LEMD3: variants seen among roughly 807,000 people sequenced by gnomAD.
LEMD3 encodes inner nuclear membrane protein Man1.
A neutral mutation model predicts 95.2 loss-of-function variants in LEMD3; 33 were observed. That is an observed-to-expected ratio of 0.35 (90% CI 0.26 to 0.46). The LOEUF (loss-of-function observed/expected upper bound fraction) is 0.46. Among genes scored for constraint, LEMD3 ranks in the 20% least tolerant of loss-of-function variants. The pLI is 1.00. For synonymous variants in LEMD3, 525 were observed against 474.6 expected (o/e 1.11, Z -1.38); for missense variants, 1,210 against 1,192.8 (o/e 1.01, Z -0.21).
At chr12:65,214,718 ATC>A (rs1479943873) in intron 2 of LEMD3, among the ~76,000 whole-genome samples, 7 of 152,158 alleles carry the variant, frequency 4.6e-5, no homozygotes, top group Middle Eastern at 3.2e-3. Context: ...CATCCAGTAA[ATC>A]TGTTTTGTTG....
intron 1 of LEMD3, among the ~76,000 whole-genome samples, chr12:65,173,675 A>G (rs1347124160): frequency 6.6e-6 from 1 of 152,246 alleles, no homozygotes; most frequent in Non-Finnish European, 1.5e-5. Flanking sequence ...GGTAAACTAC[A>G]GTATATCTAG....
Position 65,170,697 on chromosome 12 carries a change from C to A in LEMD3, c.1101C>A (p.Leu367=). 1.2e-6 allele frequency: 2 copies of A among 1,614,230 alleles called. No individual in the cohort carries two copies. The highest frequency in any genetic ancestry group is 1.7e-6 in the Non-Finnish European group (2 of 1,180,042). Residue 367 remains leucine (L), a synonymous_variant, in exon 1 of 13, where the codon CTC becomes CTA. Transcript: ENST00000308330. ...TTAACGCTAAGAAACTGACCCCTCT[C>A]CTGCCCCCGCCACTTACTGACATGG... is the stretch of plus-strand genomic sequence containing the variant. ...YRVNAKKLTP[L]LPPPLTDMDS...
chr12:65,195,078 T>C (rs533095874), intron 1 of LEMD3, among the ~76,000 whole-genome samples: 1 of 152,136 alleles, frequency 6.6e-6, no homozygotes, highest in East Asian at 1.9e-4. Flanking sequence ...TTATAGTTTT[T>C]GCAAAGGTGG....
intron 4 of LEMD3, among the ~76,000 whole-genome samples, chr12:65,233,570 G>A (rs141896955): frequency 6.6e-6 from 1 of 152,094 alleles, no homozygotes; most frequent in Non-Finnish European, 1.5e-5. Context: ...ATTTTAAAAG[G>A]TGCCATCTGA....
chr12:65,188,841 G>C (rs906233325), intron 1 of LEMD3, among the ~76,000 whole-genome samples: 1 of 152,020 alleles, frequency 6.6e-6, no homozygotes, highest in African/African-American at 2.4e-5. Flanking sequence ...AGACCATTTG[G>C]CATATTGCTG....
intron 1 of LEMD3, among the ~76,000 whole-genome samples, chr12:65,205,855 A>G (rs1869743729): frequency 6.6e-6 from 1 of 152,190 alleles, no homozygotes; most frequent in African/African-American, 2.4e-5. Context: ...AATTTTGTCC[A>G]TAAAACTTTT....
chr12:65,170,124 C>T lies in LEMD3; in HGVS notation c.528C>T (p.Pro176=). The T allele has an allele frequency of 6.8e-7, 1 of 1,460,358 alleles. No homozygotes were observed. The highest frequency in any genetic ancestry group is 9.0e-7 in the Non-Finnish European group (1 of 1,112,160). The allele number at this position is 1,460,358 out of a possible 1,614,324, so 90.5% of individuals were successfully genotyped here. A position where few individuals can be genotyped will look rare whatever the true frequency, so the allele number is the denominator to read the frequency against. The change falls in exon 1 of 13, where the codon CCC becomes CCT. Residue 176 remains proline (P), a synonymous_variant. Transcript: ENST00000308330. The part of the protein sequence containing the change: ...QYRGLKAPPA[P]LAASEVTNSN... ...GCGGGCTCAAAGCGCCGCCGGCGCC[C>T]CTGGCCGCCAGCGAGGTGACTAACA...
chr12:65,247,976 T>A lies in LEMD3; in HGVS notation c.*1651T>A, dbSNP rs1421064068. The A allele has an allele frequency of 6.6e-6, 1 of 152,512 alleles. No homozygotes were observed. The highest frequency in any genetic ancestry group is 1.5e-5 in the Non-Finnish European group (1 of 68,000). 9.4% of individuals were successfully genotyped at this position (152,512 alleles called of 1,614,324 possible). On this transcript the variant is annotated 3_prime_UTR_variant, in exon 13 of 13. Coordinates refer to ENST00000308330, the MANE Select transcript of LEMD3 (RefSeq NM_014319.5). ...AAGTAACCAGTCTTCCTGTATTTTA[T>A]GTGCATCATAGTGATTTATCTGAGC...
chr12:65,209,654 A>T (rs1342169866), intron 1 of LEMD3, among the ~76,000 whole-genome samples: 1 of 152,094 alleles, frequency 6.6e-6, no homozygotes, highest in Non-Finnish European at 1.5e-5. Context: ...TATCTTTCAA[A>T]ACATTTTCTT....
At chr12:65,200,294 C>T (rs565619503) in intron 1 of LEMD3, among the ~76,000 whole-genome samples, 299 of 152,092 alleles carry the variant, frequency 2.0e-3, no homozygotes, top group Non-Finnish European at 3.8e-3. Flanking sequence ...GTATTTACAC[C>T]CCAGAAAATT....
intron 4 of LEMD3, among the ~76,000 whole-genome samples, chr12:65,223,222 A>G (rs2136344128): frequency 6.6e-6 from 1 of 151,950 alleles, no homozygotes; most frequent in South Asian, 2.1e-4. Flanking sequence ...ATACATATTT[A>G]GAATTGTTAA....
rs149396341 is a variant in LEMD3 at position 65,194,574 on chromosome 12, G to A, written c.1523-16352G>A. On this transcript the variant is annotated intron_variant, in intron 1 of 12. Coordinates refer to ENST00000308330, the MANE Select transcript of LEMD3 (RefSeq NM_014319.5). ...GTCTGGATGGGGCTGTTGGTGGTCCGAAACATAAAAGCTTGAAAAGACGTA... is the reference window on the plus strand; with the variant it reads ...GTCTGGATGGGGCTGTTGGTGGTCCAAAACATAAAAGCTTGAAAAGACGTA... 2.9e-3 allele frequency among the ~76,000 whole-genome samples: 433 copies of A among 151,772 alleles called. 9 individuals carry two copies. The highest frequency in any genetic ancestry group is 9.7e-3 in the African/African-American group (402 of 41,416).
At chr12:65,194,890 A>ATAAT (rs1869379459) in intron 1 of LEMD3, among the ~76,000 whole-genome samples, 1 of 3,476 alleles carries the variant, frequency 2.9e-4, no homozygotes, top group African/African-American at 9.4e-4. Flanking sequence ...AATTTATAAA[A>ATAAT]TTAAAATAAA....
intron 1 of LEMD3, among the ~76,000 whole-genome samples, chr12:65,174,231 A>G (rs1458863714): frequency 2.0e-5 from 3 of 152,164 alleles, no homozygotes; most frequent in Admixed American, 6.5e-5. Flanking sequence ...TTAAATTGCT[A>G]TAAGTCTCTT....
intron 1 of LEMD3, among the ~76,000 whole-genome samples, chr12:65,197,136 T>C (rs1045105243): frequency 6.6e-6 from 1 of 152,110 alleles, no homozygotes; most frequent in Non-Finnish European, 1.5e-5. Context: ...CCTGTTTACA[T>C]TGAATTGGGT....
chr12:65,233,853 G>A (rs976353718), intron 4 of LEMD3, among the ~76,000 whole-genome samples: 4 of 152,064 alleles, frequency 2.6e-5, no homozygotes, highest in Non-Finnish European at 5.9e-5. Context: ...TTTGACCCAC[G>A]ATTTTGAAAA....
intron 1 of LEMD3, among the ~76,000 whole-genome samples, chr12:65,196,610 G>A (rs1331979695): frequency 6.6e-6 from 1 of 151,980 alleles, no homozygotes; most frequent in Non-Finnish European, 1.5e-5. Context: ...CCTTATATAA[G>A]ACTATATTGG....
chr12:65,194,763 T>C (rs1452797748), intron 1 of LEMD3, among the ~76,000 whole-genome samples: 1 of 123,780 alleles, frequency 8.1e-6, no homozygotes, highest in East Asian at 2.7e-4. Context: ...TAGTTTTACA[T>C]AGGCAGTTTA....
chr12:65,199,459 T>A (rs917110480), intron 1 of LEMD3, among the ~76,000 whole-genome samples: 7 of 152,264 alleles, frequency 4.6e-5, no homozygotes, highest in Non-Finnish European at 1.0e-4. Context: ...ACACATATTT[T>A]AAAAATTTCT....
Sources: gnomAD v4.1 joint callset for allele counts (sites outside exome capture counted in the v4.1 genomes callset) on GRCh38, gnomAD v4.1.1 for gene constraint, MANE v1.5 for transcripts, NCBI Gene and HGNC (gene_info 2026-07-23, HGNC 2026-07-21) for gene names.